Variants in DIAPH2 observed in about 807,000 individuals in gnomAD.
The protein encoded by DIAPH2 is protein diaphanous homolog 2.
DIAPH2 carries 35 observed loss-of-function variants against 92.7 expected under a neutral mutation model. The observed-to-expected ratio is 0.38, with a 90% CI of 0.29 to 0.50. The LOEUF is 0.50. Among genes scored for constraint, DIAPH2 ranks in the 20% least tolerant of loss-of-function variants. DIAPH2 has a pLI of 0.94. For missense variants in DIAPH2, 701 were observed against 819.5 expected (o/e 0.86, Z 1.77); for synonymous variants, 301 against 280.4 (o/e 1.07, Z -0.73).
intron 22 of DIAPH2, among the ~76,000 whole-genome samples, chrX:97,180,282 G>A (rs1194366343): frequency 8.9e-6 from 1 of 112,063 alleles, no homozygotes; most frequent in East Asian, 2.8e-4. Context: ...TCACATGTTT[G>A]TTGGCCGCAT....
chrX:97,415,295 C>T (rs1030994612), intron 25 of DIAPH2, among the ~76,000 whole-genome samples: 9 of 111,726 alleles, frequency 8.1e-5, no homozygotes, highest in Non-Finnish European at 1.1e-4. Context: ...GACAGTGTGG[C>T]GATTCCTCAA....
chrX:96,791,523 G>A (rs1327361258), intron 4 of DIAPH2, among the ~76,000 whole-genome samples: 3 of 82,797 alleles, frequency 3.6e-5, no homozygotes, highest in Non-Finnish European at 6.5e-5. Context: ...GGGTGACAGT[G>A]AGACTCCTTT....
At chrX:97,217,642 A>G (rs970196832) in intron 22 of DIAPH2, among the ~76,000 whole-genome samples, 3 of 112,225 alleles carry the variant, frequency 2.7e-5, no homozygotes, top group Non-Finnish European at 5.6e-5. Flanking sequence ...ATAGGTATTC[A>G]TTCATACATT....
At chrX:97,104,549 T>A (rs867565153) in intron 20 of DIAPH2, among the ~76,000 whole-genome samples, 46 of 110,006 alleles carry the variant, frequency 4.2e-4, no homozygotes, top group Middle Eastern at 4.7e-3. Flanking sequence ...CTAATTTTTT[T>A]AAAAATTTTT....
intron 23 of DIAPH2, among the ~76,000 whole-genome samples, chrX:97,282,134 A>T (rs1362966332): frequency 9.0e-6 from 1 of 111,607 alleles, no homozygotes; most frequent in Non-Finnish European, 1.9e-5. Flanking sequence ...ATACCCTCAG[A>T]GTTCAACAGT....
At chrX:96,913,484 T>C (rs1403169749) in intron 7 of DIAPH2, among the ~76,000 whole-genome samples, 6 of 111,823 alleles carry the variant, frequency 5.4e-5, no homozygotes, top group African/African-American at 1.9e-4. Context: ...AAAATATTTA[T>C]TGGTGGGTTT....
chrX:97,596,515 A>C (rs1205525043), intron 26 of DIAPH2, among the ~76,000 whole-genome samples: 2 of 112,013 alleles, frequency 1.8e-5, no homozygotes, highest in African/African-American at 6.5e-5. Context: ...TATTAGGAGA[A>C]TGAGACTAGT....
At chrX:96,721,024 G>C (rs1375586867) in intron 1 of DIAPH2, among the ~76,000 whole-genome samples, 1 of 111,114 alleles carries the variant, frequency 9.0e-6, no homozygotes, top group Non-Finnish European at 1.9e-5. Flanking sequence ...TGGAACTGGA[G>C]GGAAGCTTCT....
At chrX:96,880,319 G>A (rs916567571) in intron 4 of DIAPH2, among the ~76,000 whole-genome samples, 3 of 111,318 alleles carry the variant, frequency 2.7e-5, no homozygotes, top group Non-Finnish European at 3.8e-5. Flanking sequence ...TTGCCACAGC[G>A]CTAAGGGAAT....
intron 9 of DIAPH2, among the ~76,000 whole-genome samples, chrX:96,929,475 A>C (rs894602733): frequency 1.8e-5 from 2 of 111,118 alleles, no homozygotes; most frequent in Non-Finnish European, 3.8e-5. Context: ...CTTTTAAAGC[A>C]TGTAACTTTT....
rs756673270 is a variant in DIAPH2, at chrX:97,426,975, G to A, written c.3146-2675G>A. ...GCGGATCACTTGAGGTCAGGAGTTC[G>A]AGACCAGCCTGGCCAACATGGTGAA... On this transcript the variant is annotated intron_variant, in intron 25 of 26. Coordinates refer to ENST00000324765, the MANE Select transcript of DIAPH2 (RefSeq NM_006729.5). Among the ~76,000 whole-genome samples, 151 of 105,411 alleles carry A rather than the reference G, an allele frequency of 1.4e-3. 1 individual carries two copies. The highest frequency in any genetic ancestry group is 4.9e-3 in the African/African-American group (144 of 29,275). 91.5% of individuals were successfully genotyped at this position (105,411 alleles called of 115,157 possible).
chrX:97,396,492 T>A (rs1054211242), intron 25 of DIAPH2, among the ~76,000 whole-genome samples: 14 of 110,290 alleles, frequency 1.3e-4, no homozygotes, highest in Non-Finnish European at 2.3e-4. Context: ...GCCAACATGG[T>A]GAAACCCCGT....
At chrX:97,272,636 G>A (rs2068399011) in intron 23 of DIAPH2, among the ~76,000 whole-genome samples, 1 of 111,223 alleles carries the variant, frequency 9.0e-6, no homozygotes, top group South Asian at 3.8e-4. Context: ...TAATCTGTAA[G>A]GAGTACCAGT....
intron 9 of DIAPH2, among the ~76,000 whole-genome samples, chrX:96,922,277 T>C (rs764863742): frequency 2.0e-4 from 22 of 110,323 alleles, no homozygotes; most frequent in Non-Finnish European, 3.6e-4. Flanking sequence ...CTCTTTCTGT[T>C]AACCTGATTT....
intron 17 of DIAPH2, among the ~76,000 whole-genome samples, chrX:96,980,386 C>G (rs933902265): frequency 9.0e-6 from 1 of 111,177 alleles, no homozygotes; most frequent in Non-Finnish European, 1.9e-5. Flanking sequence ...CCTCTGAAGT[C>G]AAGCTGCTTC....
chrX:96,893,265 A>G (rs980663613), intron 5 of DIAPH2, among the ~76,000 whole-genome samples: 1 of 111,565 alleles, frequency 9.0e-6, no homozygotes, highest in African/African-American at 3.3e-5. Flanking sequence ...ACTTAGGACA[A>G]TGTCAGGTAA....
At chrX:97,102,216 C>T (rs1426572984) in intron 20 of DIAPH2, among the ~76,000 whole-genome samples, 1 of 111,608 alleles carries the variant, frequency 9.0e-6, no homozygotes, top group East Asian at 2.8e-4. Context: ...ACTCTCACTG[C>T]CGTTTTAACA....
chrX:97,196,788 G>A (rs12837066), intron 22 of DIAPH2, among the ~76,000 whole-genome samples: 44,563 of 104,980 alleles, frequency 0.42, 8,564 homozygotes, highest in Non-Finnish European at 0.59. Flanking sequence ...CTTTTTTTTC[G>A]GTTTTTTTTT....
intron 24 of DIAPH2, among the ~76,000 whole-genome samples, chrX:97,378,382 CAAA>C (rs773830308): frequency 4.0e-5 from 3 of 75,021 alleles, no homozygotes; most frequent in Admixed American, 1.6e-4. Context: ...GACTCCGTCT[CAAA>C]AAAAAAAAAA....
Sources: allele counts gnomAD v4.1 joint callset (sites outside exome capture counted in the v4.1 genomes callset), GRCh38; gene constraint gnomAD v4.1.1; transcripts MANE v1.5; gene names NCBI Gene and HGNC (gene_info 2026-07-23, HGNC 2026-07-21).